The following PRSS12 variants were observed in gnomAD, a reference collection of about 807,000 sequenced individuals.
PRSS12 encodes neurotrypsin.
In PRSS12, 85 loss-of-function variants were observed where a neutral mutation model predicts 104.4. That is an observed-to-expected ratio of 0.81 (90% confidence interval 0.68 to 0.98). PRSS12 has a LOEUF of 0.98. Ranked by LOEUF, PRSS12 falls within the 50% of genes least tolerant of loss-of-function variation. PRSS12 has a pLI of 0.00. For missense variants in PRSS12, 1,141 were observed against 1,139.2 expected (o/e 1.00, Z -0.02); for synonymous variants, 454 against 425.2 (o/e 1.07, Z -0.83).
intron 11 of PRSS12, among the ~76,000 whole-genome samples, chr4:118,292,862 A>T (rs567775717): frequency 6.6e-6 from 1 of 152,112 alleles, no homozygotes; most frequent in African/African-American, 2.4e-5. Flanking sequence ...TAAAAATACA[A>T]AAATTAGCCA....
chr4:118,297,285 T>C (rs934998959), intron 9 of PRSS12, among the ~76,000 whole-genome samples: 2 of 152,158 alleles, frequency 1.3e-5, no homozygotes, highest in African/African-American at 2.4e-5. Flanking sequence ...AAAAAGAATA[T>C]TGCTATAATT....
At chr4:118,297,356 G>A (rs1578906748) in intron 9 of PRSS12, among the ~76,000 whole-genome samples, 3 of 151,886 alleles carry the variant, frequency 2.0e-5, no homozygotes, top group African/African-American at 7.3e-5. Context: ...AACTGCTTAC[G>A]GAATTTCACA....
intron 4 of PRSS12, among the ~76,000 whole-genome samples, chr4:118,329,961 A>T (rs1023835490): frequency 2.0e-5 from 3 of 152,182 alleles, no homozygotes; most frequent in Non-Finnish European, 4.4e-5. Context: ...AAACACTTTT[A>T]AAAAATCTTG....
intron 8 of PRSS12, chr4:118,303,998 T>G (rs1485301337): frequency 6.6e-6 from 1 of 151,928 alleles, no homozygotes; most frequent in Non-Finnish European, 1.5e-5. Flanking sequence ...TAAACTTTTA[T>G]TTTCTATGTT....
rs1302750073 is a variant in PRSS12, at chr4:118,318,567, A to C, written c.972-11T>G. ...GCTTTGGCAATGCCACTGAACAAATAAAAGAATGTAAGGATTCTGGATTAG... is the reference window on the plus strand; with the variant it reads ...GCTTTGGCAATGCCACTGAACAAATCAAAGAATGTAAGGATTCTGGATTAG... On this transcript the variant is annotated splice_polypyrimidine_tract_variant and intron_variant, in intron 4 of 12. Transcript: ENST00000296498. The C allele has an allele frequency of 1.2e-6, 2 of 1,612,694 alleles. No homozygotes were observed. The highest frequency in any genetic ancestry group is 1.7e-6 in the Non-Finnish European group (2 of 1,179,300).
At chr4:118,340,704 G>T (rs959141569) in intron 1 of PRSS12, among the ~76,000 whole-genome samples, 1 of 152,164 alleles carries the variant, frequency 6.6e-6, no homozygotes, top group South Asian at 2.1e-4. Flanking sequence ...CATACTATTA[G>T]GATAAAAGGC....
intron 1 of PRSS12, among the ~76,000 whole-genome samples, chr4:118,338,885 A>C (rs1724129234): frequency 6.6e-6 from 1 of 152,210 alleles, no homozygotes. Context: ...GTAGTCATTA[A>C]AATTCTGAAG....
intron 1 of PRSS12, among the ~76,000 whole-genome samples, chr4:118,349,874 G>A (rs1365806833): frequency 3.9e-5 from 6 of 151,946 alleles, no homozygotes; most frequent in African/African-American, 1.2e-4. Context: ...GTGGTGGCAG[G>A]TGCCTGTAAT....
chr4:118,326,592 T>C (rs1320847822), intron 4 of PRSS12, among the ~76,000 whole-genome samples: 1 of 152,226 alleles, frequency 6.6e-6, no homozygotes, highest in African/African-American at 2.4e-5. Flanking sequence ...TAAAACACGG[T>C]CACTATCATT....
At chr4:118,292,749 T>C (rs950796846) in intron 11 of PRSS12, among the ~76,000 whole-genome samples, 2 of 152,152 alleles carry the variant, frequency 1.3e-5, no homozygotes, top group Non-Finnish European at 2.9e-5. Flanking sequence ...GCCACTGTTA[T>C]GTAAAATACA....
chr4:118,324,956 G>T (rs575367693), intron 4 of PRSS12, among the ~76,000 whole-genome samples: 1 of 151,948 alleles, frequency 6.6e-6, no homozygotes, highest in Non-Finnish European at 1.5e-5. Context: ...TGATCCACCC[G>T]CCTCAGCCTC....
At chr4:118,294,705 CCT>C (rs1743213714) in intron 11 of PRSS12, among the ~76,000 whole-genome samples, 1 of 152,090 alleles carries the variant, frequency 6.6e-6, no homozygotes, top group African/African-American at 2.4e-5. Context: ...TCCAAAAACC[CCT>C]GTTCTTCTAT....
rs931836641 is a variant in PRSS12 at position 118,285,223 on chromosome 4, T to A, written c.2040-2112A>T. 2.6e-5 allele frequency among the ~76,000 whole-genome samples: 4 copies of A among 152,224 alleles called. No individual in the cohort carries two copies. The East Asian group carries it at 7.7e-4, about 29-fold the overall frequency. ...CATATCTTTAAAGTTCAGAGGCTTTTTAATATATTGTGCCTAAAGTATATG... is the reference window on the plus strand; with the variant it reads ...CATATCTTTAAAGTTCAGAGGCTTTATAATATATTGTGCCTAAAGTATATG... On this transcript the variant is annotated intron_variant, in intron 11 of 12. Coordinates refer to ENST00000296498, the MANE Select transcript of PRSS12 (RefSeq NM_003619.4).
At chr4:118,332,262 A>T (rs1723944665) in intron 3 of PRSS12, among the ~76,000 whole-genome samples, 1 of 152,210 alleles carries the variant, frequency 6.6e-6, no homozygotes, top group Non-Finnish European at 1.5e-5. Context: ...TAAGAATGAC[A>T]CTTATGTCTA....
chr4:118,352,608 G>T lies in PRSS12; in HGVS notation c.113C>A (p.Pro38His). Residue 38 changes from proline (P) to histidine (H), a missense_variant, in exon 1 of 13, where the codon CCT becomes CAT. Transcript: ENST00000296498. ...SLHHSHRHSP[P>H]AGPHYPYYLP... ...GTAATAGGGGTAGTGCGGACCCGCA[G>T]GGGGCGAATGGCGGTGGCTGTGGTG... 1 of 1,610,788 alleles carries T rather than the reference G, an allele frequency of 6.2e-7. No homozygotes were observed. Among genetic ancestry groups the T allele is most frequent in the East Asian group, 2.2e-5 (1 of 44,708 alleles).
At position 118,352,678 on chromosome 4, in the gene PRSS12, G is replaced by A; in HGVS notation, c.43C>T (p.Leu15Phe). 6.2e-7 allele frequency: 1 copy of A among 1,613,374 alleles called. No homozygotes were observed. The highest frequency in any genetic ancestry group is 8.5e-7 in the Non-Finnish European group (1 of 1,179,576). The change falls in exon 1 of 13, where the codon CTC becomes TTC. Residue 15 changes from leucine to phenylalanine, a missense_variant. Transcript: ENST00000296498. ...GAATCAAAGCCGACCACTTCGGGGA[G>A]CGCCCCTAACATCAGGGCTAGCACG... ...RFVLALMLGA[L>F]PEVVGFDSVL...
At chr4:118,283,252 G>GACCC (rs1225578645) in intron 11 of PRSS12, 141 bp from the exon 12 acceptor site, 1 of 1,026,766 alleles carries the variant, frequency 9.7e-7, no homozygotes, top group East Asian at 2.5e-5. Context: ...CCATTTATCT[G>GACCC]ACCCACCATT....
chr4:118,291,672 C>T (rs1403051770), intron 11 of PRSS12, among the ~76,000 whole-genome samples: 1 of 152,064 alleles, frequency 6.6e-6, no homozygotes, highest in Non-Finnish European at 1.5e-5. Flanking sequence ...GTTTGATGGA[C>T]ACAGTGCTTT....
intron 4 of PRSS12, 67 bp downstream of exon 4, chr4:118,331,648 AC>A: frequency 6.3e-7 from 1 of 1,597,138 alleles, no homozygotes; most frequent in South Asian, 1.1e-5. Flanking sequence ...AACAAACAGC[AC>A]CTGCCTTTGG....
Sources: allele counts gnomAD v4.1 joint callset (sites outside exome capture counted in the v4.1 genomes callset), GRCh38; gene constraint gnomAD v4.1.1; transcripts MANE v1.5; gene names NCBI Gene and HGNC (gene_info 2026-07-23, HGNC 2026-07-21).